The following DLGAP2 variants were observed in gnomAD, a reference collection of about 807,000 sequenced individuals.
DLGAP2 encodes DLG associated protein 2.
In DLGAP2, 26 loss-of-function variants were observed where a neutral mutation model predicts 100.3. The ratio of observed to expected loss-of-function variants is 0.26; its 90% CI spans 0.19 to 0.36. DLGAP2 has a LOEUF of 0.36. DLGAP2 is among the 10% of genes least tolerant of loss of function. DLGAP2 has a pLI of 1.00. For synonymous variants in DLGAP2, 886 were observed against 630.1 expected (o/e 1.41, Z -6.08); for missense variants, 1,858 against 1,453.2 (o/e 1.28, Z -4.53).
intron 2 of DLGAP2, among the ~76,000 whole-genome samples, chr8:912,368 A>G (rs1056765856): frequency 2.0e-5 from 3 of 152,160 alleles, no homozygotes; most frequent in African/African-American, 4.8e-5. Context: ...ACGGTTGCTT[A>G]TTTGCAAATA....
At chr8:740,813 C>G (rs1195190537) in intron 1 of DLGAP2, among the ~76,000 whole-genome samples, 1 of 152,092 alleles carries the variant, frequency 6.6e-6, no homozygotes, top group Non-Finnish European at 1.5e-5. Flanking sequence ...ATGATGTATA[C>G]TTTGATTATA....
At chr8:1,494,510 C>A (rs1418463864) in intron 3 of DLGAP2, among the ~76,000 whole-genome samples, 2 of 152,160 alleles carry the variant, frequency 1.3e-5, no homozygotes, top group African/African-American at 2.4e-5. Flanking sequence ...GTGGGTGGAT[C>A]ACGAGGTCAG....
At chr8:1,233,563 C>G (rs982300224) in intron 2 of DLGAP2, among the ~76,000 whole-genome samples, 2 of 152,172 alleles carry the variant, frequency 1.3e-5, no homozygotes, top group African/African-American at 2.4e-5. Flanking sequence ...AGAGGCCACT[C>G]AAGGGGACCT....
chr8:791,266 C>A (rs1296165915), intron 1 of DLGAP2, among the ~76,000 whole-genome samples: 1 of 152,184 alleles, frequency 6.6e-6, no homozygotes, highest in Non-Finnish European at 1.5e-5. Context: ...AGTGAATGAA[C>A]CTCACTTCCC....
intron 2 of DLGAP2, among the ~76,000 whole-genome samples, chr8:1,134,107 C>G (rs974319149): frequency 6.6e-6 from 1 of 151,942 alleles, no homozygotes; most frequent in African/African-American, 2.4e-5. Context: ...TTTGTTTTCT[C>G]TCCATTAGTT....
At chr8:926,914 G>C (rs1411803370) in intron 2 of DLGAP2, 12 of 601,786 alleles carry the variant, frequency 2.0e-5, no homozygotes, top group Non-Finnish European at 2.3e-5. Context: ...GGCGTTCCAG[G>C]TGTTCCCTGA....
At chr8:1,454,204 TC>T (rs1156863443) in intron 3 of DLGAP2, among the ~76,000 whole-genome samples, 12 of 152,170 alleles carry the variant, frequency 7.9e-5, no homozygotes, top group Admixed American at 7.2e-4. Context: ...GACAAGCACG[TC>T]CACAGCCGCC....
At chr8:1,414,656 C>T (rs1414202628) in intron 3 of DLGAP2, among the ~76,000 whole-genome samples, 1 of 151,138 alleles carries the variant, frequency 6.6e-6, no homozygotes, top group Non-Finnish European at 1.5e-5. Flanking sequence ...TACGCACGTC[C>T]AGGCGTCCTC....
Position 989,007 on chromosome 8 carries a change from C to T in DLGAP2, c.73+81041C>T, listed in dbSNP as rs138436076. On this transcript the variant is annotated intron_variant, in intron 2 of 14. Coordinates refer to ENST00000637795, the MANE Select transcript of DLGAP2 (RefSeq NM_001346810.2). ...TCGCTGCCTGCACTGCCTCCGCTCG[C>T]GGCTCCCTGGACCTTGTCTCTGCTG... 1.2e-3 allele frequency among the ~76,000 whole-genome samples: 179 copies of T among 152,318 alleles called. 1 individual carries two copies. The highest frequency in any genetic ancestry group is 1.7e-3 in the African/African-American group (71 of 41,560).
At chr8:1,334,023 C>T (rs1563089250) in intron 3 of DLGAP2, among the ~76,000 whole-genome samples, 4 of 152,350 alleles carry the variant, frequency 2.6e-5, no homozygotes, top group South Asian at 4.1e-4. Flanking sequence ...GGCTTCCTTG[C>T]GTGAGGAAGG....
chr8:839,490 C>T (rs964185462), intron 1 of DLGAP2, among the ~76,000 whole-genome samples: 1 of 152,190 alleles, frequency 6.6e-6, no homozygotes, highest in Admixed American at 6.5e-5. Context: ...ACAAATGCCA[C>T]CTGTGCTCAC....
intron 2 of DLGAP2, among the ~76,000 whole-genome samples, chr8:1,074,927 A>T (rs759253239): frequency 4.4e-4 from 67 of 152,284 alleles, no homozygotes; most frequent in Non-Finnish European, 7.8e-4. Flanking sequence ...GTCACCTTGC[A>T]GTTGGCAGGG....
At chr8:1,177,743 G>C (rs948808962) in intron 2 of DLGAP2, among the ~76,000 whole-genome samples, 1 of 152,152 alleles carries the variant, frequency 6.6e-6, no homozygotes, top group South Asian at 2.1e-4. Context: ...TCGATGTCTG[G>C]TGAGGGCTGC....
At chr8:886,542 C>G (rs1274271676) in intron 1 of DLGAP2, among the ~76,000 whole-genome samples, 1 of 152,140 alleles carries the variant, frequency 6.6e-6, no homozygotes, top group Non-Finnish European at 1.5e-5. Flanking sequence ...ACTGCTTTAG[C>G]TGTGTCTCAG....
At chr8:1,676,413 C>T in intron 10 of DLGAP2, 120 bp from the exon 11 acceptor site, 5 of 1,033,938 alleles carry the variant, frequency 4.8e-6, no homozygotes, top group Non-Finnish European at 7.3e-6. Context: ...GTCAAGTGCA[C>T]CGCTGCATTA....
intron 1 of DLGAP2, among the ~76,000 whole-genome samples, chr8:893,647 T>G (rs976202889): frequency 2.0e-5 from 3 of 152,204 alleles, no homozygotes; most frequent in Non-Finnish European, 4.4e-5. Context: ...GGAAGTCCGT[T>G]AGGCATGCTG....
chr8:913,153 A>G (rs1798522081), intron 2 of DLGAP2, among the ~76,000 whole-genome samples: 1 of 152,232 alleles, frequency 6.6e-6, no homozygotes, highest in African/African-American at 2.4e-5. Context: ...TTGGAAGCCT[A>G]CAGGTTGGCA....
At chr8:770,891 A>G (rs140293201) in intron 1 of DLGAP2, among the ~76,000 whole-genome samples, 368 of 151,164 alleles carry the variant, frequency 2.4e-3, no homozygotes, top group Non-Finnish European at 3.9e-3. Context: ...TTTTTAAAGT[A>G]GAAGGACTCT....
chr8:824,135 T>A (rs1796641709), intron 1 of DLGAP2, among the ~76,000 whole-genome samples: 1 of 152,028 alleles, frequency 6.6e-6, no homozygotes, highest in Non-Finnish European at 1.5e-5. Flanking sequence ...AATGCAGTGG[T>A]ACCATCATGG....
Sources: gnomAD v4.1 joint callset for allele counts (sites outside exome capture counted in the v4.1 genomes callset) on GRCh38, gnomAD v4.1.1 for gene constraint, MANE v1.5 for transcripts, NCBI Gene and HGNC (gene_info 2026-07-23, HGNC 2026-07-21) for gene names.